SEC22C: variants seen among roughly 807,000 people sequenced by gnomAD.
The protein encoded by SEC22C is vesicle-trafficking protein SEC22c.
Under a neutral mutation model 34.7 loss-of-function variants are expected in SEC22C, and 29 were observed. That is an observed-to-expected ratio of 0.84 (90% CI 0.62 to 1.14). SEC22C has a LOEUF of 1.14. SEC22C is among the 50% of genes most tolerant of loss of function. The pLI is 0.00. For synonymous variants in SEC22C, 117 were observed against 132.8 expected (o/e 0.88, Z 0.82); for missense variants, 337 against 369.0 (o/e 0.91, Z 0.71).
At chr3:42,565,740 C>T (rs538146483) in intron 2 of SEC22C, 25 of 355,070 alleles carry the variant, frequency 7.0e-5, no homozygotes, top group African/African-American at 4.6e-4. Context: ...AGGATTCTTC[C>T]TTAAAGTTTG....
intron 1 of SEC22C, among the ~76,000 whole-genome samples, chr3:42,569,934 C>T (rs746841521): frequency 6.6e-6 from 1 of 152,162 alleles, no homozygotes; most frequent in Non-Finnish European, 1.5e-5. Context: ...CAGGGCATAA[C>T]CTGTACATCT....
intron 1 of SEC22C, among the ~76,000 whole-genome samples, chr3:42,569,599 A>G (rs1164241381): frequency 6.6e-6 from 1 of 152,186 alleles, no homozygotes; most frequent in Admixed American, 6.5e-5. Flanking sequence ...CATCTAACCT[A>G]ATGCTGGTGA....
chr3:42,582,942 T>C (rs145151046), upstream of SEC22C, among the ~76,000 whole-genome samples: 2 of 152,306 alleles, frequency 1.3e-5, no homozygotes, highest in African/African-American at 4.8e-5. Flanking sequence ...AAATGGATAG[T>C]AGTGATGATC....
intron 1 of SEC22C, among the ~76,000 whole-genome samples, chr3:42,598,221 T>C (rs939294402): frequency 2.0e-5 from 3 of 151,942 alleles, no homozygotes; most frequent in Non-Finnish European, 4.4e-5. Flanking sequence ...GATATACACA[T>C]ACAATGGAAT....
At chr3:42,600,901 C>T (rs1705333303) in intron 1 of SEC22C, 1 of 857,810 alleles carries the variant, frequency 1.2e-6, no homozygotes, top group South Asian at 2.4e-5. Context: ...GTGGCGCGGA[C>T]TTCGTCTCAG....
chr3:42,559,887 G>A (rs540962586), intron 4 of SEC22C, among the ~76,000 whole-genome samples: 4 of 151,984 alleles, frequency 2.6e-5, no homozygotes, highest in East Asian at 1.9e-4. Flanking sequence ...CTGTGATCAC[G>A]TTCATTAAGA....
rs140677681 is a variant in SEC22C, at chr3:42,557,697, C to A, written c.527-1G>T. The A allele has an allele frequency of 1.1e-4, 161 of 1,500,344 alleles. No homozygotes were observed. Among genetic ancestry groups the A allele is most frequent in the South Asian group, 6.2e-4 (53 of 85,660 alleles). 92.9% of individuals were successfully genotyped at this position (1,500,344 alleles called of 1,614,324 possible). Reference sequence around the variant, plus strand: ...ACTGGTTCCATTCGGAAATTAGGAGCTTCACAATGGAAAAAAAACAAGTGT... The same window carrying A: ...ACTGGTTCCATTCGGAAATTAGGAGATTCACAATGGAAAAAAAACAAGTGT... On this transcript the variant is annotated splice_acceptor_variant, in intron 4 of 6. Transcript: ENST00000264454. LOFTEE classifies it high-confidence loss of function.
intron 1 of SEC22C, chr3:42,590,868 T>C (rs748904580): frequency 8.1e-6 from 13 of 1,609,238 alleles, no homozygotes; most frequent in South Asian, 1.1e-5. Flanking sequence ...TCGAGTTGCT[T>C]GGCGGTCGTG....
At chr3:42,560,782 G>A (rs1702852689) in intron 4 of SEC22C, among the ~76,000 whole-genome samples, 1 of 151,930 alleles carries the variant, frequency 6.6e-6, no homozygotes. Context: ...GAGACTACAG[G>A]CACGAGCCAC....
rs1272164795 is a variant in SEC22C at position 42,549,513 on chromosome 3, C to G, written c.*3735G>C. 8.1e-6 allele frequency: 8 copies of G among 985,670 alleles called. No homozygotes were observed. The highest frequency in any genetic ancestry group is 8.4e-6 in the Non-Finnish European group (7 of 830,106). The allele number at this position is 985,670 out of a possible 1,614,324, so 61.1% of individuals were successfully genotyped here. On this transcript the variant is annotated 3_prime_UTR_variant, in exon 7 of 7. Transcript: ENST00000264454. ...CCTGTGCCTCACACAGCCAGCCTTG[C>G]TGGCCTGCTGGCTATTGTCTCTGAC...
chr3:42,574,863 G>A (rs1703868865), intron 1 of SEC22C, among the ~76,000 whole-genome samples: 1 of 152,166 alleles, frequency 6.6e-6, no homozygotes, highest in South Asian at 2.1e-4. Flanking sequence ...CTGTCACCCA[G>A]TCTGGAACGC....
chr3:42,549,515 G>A lies in SEC22C; in HGVS notation c.*3733C>T, dbSNP rs1702146197. On this transcript the variant is annotated 3_prime_UTR_variant, in exon 7 of 7. Coordinates refer to ENST00000264454, the MANE Select transcript of SEC22C (RefSeq NM_032970.4). ...TGTGCCTCACACAGCCAGCCTTGCT[G>A]GCCTGCTGGCTATTGTCTCTGACTC... The A allele has an allele frequency of 1.0e-6, 1 of 985,474 alleles. No homozygotes were observed. The highest frequency in any genetic ancestry group is 1.2e-6 in the Non-Finnish European group (1 of 830,112). 61.0% of individuals were successfully genotyped at this position (985,474 alleles called of 1,614,324 possible).
intron 1 of SEC22C, chr3:42,573,683 A>C (rs1197099675): frequency 2.0e-5 from 3 of 152,190 alleles, no homozygotes; most frequent in Non-Finnish European, 4.4e-5. Flanking sequence ...AAAATAAATA[A>C]AGTAATTAAT....
At chr3:42,562,925 T>G (rs1382605599) in intron 3 of SEC22C, among the ~76,000 whole-genome samples, 1 of 152,204 alleles carries the variant, frequency 6.6e-6, no homozygotes. Context: ...ATATTTTGCT[T>G]TAAAAAAAGC....
chr3:42,590,860 G>C, intron 1 of SEC22C: 2 of 1,610,818 alleles, frequency 1.2e-6, no homozygotes, highest in Non-Finnish European at 1.7e-6. Context: ...ATCGTGGGTC[G>C]AGTTGCTTGG....
chr3:42,601,019 G>T (rs1423270096), exon 1 of SEC22C: 7 of 1,579,296 alleles, frequency 4.4e-6, no homozygotes, highest in Non-Finnish European at 6.0e-6. Context: ...GGGGGCGCAG[G>T]ACCGGCCGCA....
intron 3 of SEC22C, among the ~76,000 whole-genome samples, chr3:42,562,295 G>A (rs1422545699): frequency 6.6e-6 from 1 of 152,224 alleles, no homozygotes; most frequent in African/African-American, 2.4e-5. Context: ...GAGATAAGGG[G>A]AGAGAAGAAC....
rs761261164 is a variant in SEC22C, at chr3:42,553,443, A to G, written c.717T>C (p.Tyr239=). Residue 239 remains tyrosine, a synonymous_variant, in exon 7 of 7, where the codon TAT becomes TAC. Transcript: ENST00000264454. ...VPFVACIFQC[Y]LYLFYSPART... ...TGGCTGGACTGTAGAACAGGTACAA[A>G]TAACACTGAAATGAGACCAGAAGAG... The G allele has an allele frequency of 8.7e-6, 14 of 1,613,688 alleles. No homozygotes were observed. The highest frequency in any genetic ancestry group is 1.1e-5 in the South Asian group (1 of 90,972).
At chr3:42,591,360 G>T (rs1220608121) in intron 1 of SEC22C, 2 of 607,928 alleles carry the variant, frequency 3.3e-6, no homozygotes, top group South Asian at 1.9e-5. Context: ...CGCCACTCCC[G>T]GCTAATTTTT....
Sources: allele counts gnomAD v4.1 joint callset (sites outside exome capture counted in the v4.1 genomes callset), GRCh38; gene constraint gnomAD v4.1.1; transcripts MANE v1.5; gene names NCBI Gene and HGNC (gene_info 2026-07-23, HGNC 2026-07-21).